The following KLC1 variants were observed in gnomAD, a reference collection of about 807,000 sequenced individuals.
KLC1 encodes the protein kinesin 2 60/70kDa.
A neutral mutation model predicts 84.2 loss-of-function variants in KLC1; 30 were observed. The observed-to-expected ratio is 0.36, with a 90% CI of 0.27 to 0.48. The LOEUF (loss-of-function observed/expected upper bound fraction) is 0.48, where lower values mean the gene tolerates loss of function less well. Ranked by LOEUF, KLC1 falls within the 20% of genes least tolerant of loss-of-function variation. KLC1 has a pLI of 0.99. For synonymous variants in KLC1, 289 were observed against 293.3 expected, an observed-to-expected ratio of 0.99 and a Z score of 0.15; for missense variants, 499 against 805.4, an observed-to-expected ratio of 0.62 and a Z score of 4.60.
intron 15 of KLC1, 82 bp downstream of exon 15, chr14:103,692,507 C>A: frequency 8.3e-7 from 1 of 1,206,138 alleles, no homozygotes; most frequent in Non-Finnish European, 1.2e-6. Context: ...TCGGCCCCTG[C>A]TCGGCCCCTG....
chr14:103,658,848 A>G (rs1318410540), intron 3 of KLC1, among the ~76,000 whole-genome samples: 1 of 149,764 alleles, frequency 6.7e-6, no homozygotes, highest in African/African-American at 2.5e-5. Flanking sequence ...TAGTAGAGAT[A>G]GGGTTTCATT....
chr14:103,693,427 T>A lies in KLC1; in HGVS notation c.1848+1002T>A. ...GAGTTTCTACATGCACATTGACCCCTGGGCCTCTCGAGTGCCAACCTAGAT... is the reference window on the plus strand; with the variant it reads ...GAGTTTCTACATGCACATTGACCCCAGGGCCTCTCGAGTGCCAACCTAGAT... On this transcript the variant is annotated intron_variant, in intron 15 of 16. Coordinates refer to ENST00000334553, the MANE Select transcript of KLC1 (RefSeq NM_001394837.1). The surrounding 1 kb of genome is among the most constrained non-coding windows in gnomAD (Gnocchi z 5.1). 1 of 1,450,844 alleles carries A rather than the reference T, an allele frequency of 6.9e-7. No individual in the cohort carries two copies. The highest frequency in any genetic ancestry group is 9.2e-7 in the Non-Finnish European group (1 of 1,086,156). 89.9% of individuals were successfully genotyped at this position (1,450,844 alleles called of 1,614,324 possible).
chr14:103,664,421 G>A (rs1567023686), intron 5 of KLC1, among the ~76,000 whole-genome samples: 1 of 152,080 alleles, frequency 6.6e-6, no homozygotes, highest in Non-Finnish European at 1.5e-5. Context: ...CAAAGTGCTG[G>A]GATTACAGGC....
chr14:103,648,937 G>A (rs544042607), intron 1 of KLC1, among the ~76,000 whole-genome samples: 72 of 152,326 alleles, frequency 4.7e-4, no homozygotes, highest in African/African-American at 1.7e-3. Context: ...AGGAGTTTGA[G>A]ACCAGCCTGG....
chr14:103,655,752 G>A (rs2078789148), intron 2 of KLC1, among the ~76,000 whole-genome samples: 2 of 152,168 alleles, frequency 1.3e-5, no homozygotes, highest in African/African-American at 2.4e-5. Flanking sequence ...GGGATTACAG[G>A]CACATACCAC....
At chr14:103,637,497 T>A (rs1305492255) in intron 1 of KLC1, among the ~76,000 whole-genome samples, 1 of 151,736 alleles carries the variant, frequency 6.6e-6, no homozygotes, top group Non-Finnish European at 1.5e-5. Context: ...GACACTGCAT[T>A]CCAGCCTGGG....
At chr14:103,695,544 CCT>C in intron 15 of KLC1, 1 of 985,180 alleles carries the variant, frequency 1.0e-6, no homozygotes, top group African/African-American at 1.7e-5. Context: ...GTGCCTTCTC[CCT>C]GTGAGGATGC....
chr14:103,684,197 C>A (rs1050902375), intron 13 of KLC1, among the ~76,000 whole-genome samples: 1 of 152,176 alleles, frequency 6.6e-6, no homozygotes, highest in South Asian at 2.1e-4. Context: ...AGTAAGACAA[C>A]TAGAATATGC....
At chr14:103,653,678 C>A (rs975769320) in intron 1 of KLC1, among the ~76,000 whole-genome samples, 3 of 152,184 alleles carry the variant, frequency 2.0e-5, no homozygotes, top group African/African-American at 7.2e-5. Flanking sequence ...CTTAATGAAT[C>A]GTGAGATTTT....
chr14:103,679,734 T>C, intron 13 of KLC1, 189 bp downstream of exon 13: 1 of 541,242 alleles, frequency 1.8e-6, no homozygotes, highest in Non-Finnish European at 3.3e-6. Context: ...AATTTTCTTC[T>C]CAGGAATCCA....
chr14:103,686,030 C>T (rs543123808), intron 13 of KLC1: 34 of 1,053,020 alleles, frequency 3.2e-5, no homozygotes, highest in Non-Finnish European at 3.6e-5. Context: ...AGGCATGTGC[C>T]GCACGTGCTC....
At chr14:103,642,081 C>G (rs1169125584) in intron 1 of KLC1, among the ~76,000 whole-genome samples, 2 of 152,130 alleles carry the variant, frequency 1.3e-5, no homozygotes, top group Non-Finnish European at 2.9e-5. Context: ...CAGGCATGCA[C>G]CACCATGCCC....
rs2082318012 is a variant in KLC1, at chr14:103,694,652, A to C, written c.1848+2227A>C. ...CAGCAGCGCCACCTCCATGCCAGCC[A>C]ACTAGGCTACGGGATGGAGGGGCGG... On this transcript the variant is annotated intron_variant, in intron 15 of 16. Transcript: ENST00000334553. This position sits in a 1 kb window ranked among gnomAD's most constrained non-coding sequence, Gnocchi z 4.5. 2 of 985,330 alleles carry C rather than the reference A, an allele frequency of 2.0e-6. No homozygotes were observed. The highest frequency in any genetic ancestry group is 9.4e-5 in the South Asian group (2 of 21,294). The allele number at this position is 985,330 out of a possible 1,614,324, so 61.0% of individuals were successfully genotyped here.
intron 1 of KLC1, among the ~76,000 whole-genome samples, chr14:103,631,638 C>T (rs2076696274): frequency 6.6e-6 from 1 of 152,034 alleles, no homozygotes; most frequent in Non-Finnish European, 1.5e-5. Context: ...CACTGTGTGG[C>T]TCAGGCTAGA....
intron 1 of KLC1, among the ~76,000 whole-genome samples, chr14:103,632,430 G>A (rs1022152393): frequency 3.3e-5 from 5 of 150,230 alleles, no homozygotes; most frequent in Non-Finnish European, 3.0e-5. Flanking sequence ...AAAAAGAGCC[G>A]CTGTCAGCCG....
intron 13 of KLC1, chr14:103,685,991 A>C: frequency 9.1e-7 from 1 of 1,098,788 alleles, no homozygotes; most frequent in African/African-American, 1.7e-5. Context: ...CATGACGGTG[A>C]CCTGTTGACG....
intron 14 of KLC1, among the ~76,000 whole-genome samples, chr14:103,690,700 T>C (rs1003714432): frequency 6.6e-6 from 1 of 152,254 alleles, no homozygotes; most frequent in Non-Finnish European, 1.5e-5. Context: ...GCTTTAGCTT[T>C]AAAACTTCAG....
At chr14:103,635,707 C>T (rs528909860) in intron 1 of KLC1, among the ~76,000 whole-genome samples, 5 of 151,610 alleles carry the variant, frequency 3.3e-5, no homozygotes, top group East Asian at 3.9e-4. Context: ...TGAGCCAGAT[C>T]GAGCCACGGC....
At chr14:103,696,176 T>G in intron 15 of KLC1, 4 of 972,912 alleles carry the variant, frequency 4.1e-6, no homozygotes, top group Non-Finnish European at 4.8e-6. Flanking sequence ...TCTGGATCTG[T>G]GGGCGGACAG....
Sources: gnomAD v4.1 joint callset for allele counts (sites outside exome capture counted in the v4.1 genomes callset) on GRCh38, gnomAD v4.1.1 for gene constraint, Gnocchi (gnomAD v3.1) non-coding constraint, MANE v1.5 for transcripts, NCBI Gene and HGNC (gene_info 2026-07-23, HGNC 2026-07-21) for gene names.